Variants in RORB observed in about 807,000 individuals in gnomAD.
The protein encoded by RORB is RAR related orphan receptor B.
Under a neutral mutation model 59.1 loss-of-function variants are expected in RORB, and 6 were observed. That is an observed-to-expected ratio of 0.10 (90% CI 0.06 to 0.20). The LOEUF (loss-of-function observed/expected upper bound fraction) is 0.20, where lower values mean the gene tolerates loss of function less well. Among genes scored for constraint, RORB ranks in the 10% least tolerant of loss-of-function variants. RORB has a pLI of 1.00. For missense variants in RORB, 320 were observed against 560.5 expected (o/e 0.57, Z 4.33); for synonymous variants, 215 against 204.5 (o/e 1.05, Z -0.44).
chr9:74,647,948 T>C (rs933020831), intron 4 of RORB, among the ~76,000 whole-genome samples: 1 of 152,236 alleles, frequency 6.6e-6, no homozygotes, highest in Non-Finnish European at 1.5e-5. Context: ...TATTTTATAC[T>C]GTTTAAATCT....
At chr9:74,599,813 A>C (rs1174471096) in intron 1 of RORB, among the ~76,000 whole-genome samples, 5 of 152,246 alleles carry the variant, frequency 3.3e-5, no homozygotes, top group Admixed American at 6.5e-5. Context: ...TGGGGTGCTA[A>C]TGGCTGCCCC....
At chr9:74,587,722 T>C (rs1822822782) in intron 1 of RORB, among the ~76,000 whole-genome samples, 1 of 152,206 alleles carries the variant, frequency 6.6e-6, no homozygotes, top group Non-Finnish European at 1.5e-5. Context: ...CTTTTTCACA[T>C]GTGATCTTAG....
intron 1 of RORB, among the ~76,000 whole-genome samples, chr9:74,555,006 A>G (rs1281510420): frequency 2.0e-5 from 3 of 152,248 alleles, no homozygotes; most frequent in Non-Finnish European, 4.4e-5. Flanking sequence ...GTGGGCGCAG[A>G]AGCAAAATCA....
intron 3 of RORB, among the ~76,000 whole-genome samples, chr9:74,635,641 C>G (rs1302330508): frequency 6.6e-6 from 1 of 152,086 alleles, no homozygotes; most frequent in Non-Finnish European, 1.5e-5. Flanking sequence ...AAAGCACACA[C>G]CTAAATGTTT....
At chr9:74,586,600 C>CAT (rs9314824) in intron 1 of RORB, among the ~76,000 whole-genome samples, 1 of 141,200 alleles carries the variant, frequency 7.1e-6, no homozygotes, top group African/African-American at 2.7e-5. Context: ...ATGTAATGTC[C>CAT]GTGTGTGTGT....
chr9:74,571,695 G>A (rs1461250292), intron 1 of RORB, among the ~76,000 whole-genome samples: 2 of 152,054 alleles, frequency 1.3e-5, no homozygotes, highest in Admixed American at 6.6e-5. Context: ...TTTTTTAAAT[G>A]AGAGTTCTGG....
intron 1 of RORB, among the ~76,000 whole-genome samples, chr9:74,597,775 A>G (rs1295273813): frequency 6.6e-6 from 1 of 152,142 alleles, no homozygotes; most frequent in Non-Finnish European, 1.5e-5. Context: ...CCTGACCAAC[A>G]TGGAGAAACC....
chr9:74,664,520 A>G (rs932214411), intron 6 of RORB, among the ~76,000 whole-genome samples: 1 of 152,216 alleles, frequency 6.6e-6, no homozygotes, highest in African/African-American at 2.4e-5. Context: ...ATAAAAAATG[A>G]ATGTAAGAGG....
Position 74,671,850 on chromosome 9 carries a change from A to C in RORB, c.1173A>C (p.Ala391=). ...AGCTTCAGGAAAAAATTTATTTTGC[A>C]CTTCAACATGTGATTCAGAAGAATC... ...VQKLQEKIYF[A]LQHVIQKNHL... Residue 391 remains alanine (A), a synonymous_variant, in exon 9 of 10, where the codon GCA becomes GCC. Transcript: ENST00000376896. The C allele has an allele frequency of 2.5e-6, 4 of 1,612,756 alleles. No individual in the cohort carries two copies. The South Asian group carries it at 4.4e-5, about 18-fold the overall frequency.
At chr9:74,498,127 T>C in intron 1 of RORB, 144 bp downstream of exon 1, 1 of 895,274 alleles carries the variant, frequency 1.1e-6, no homozygotes, top group Non-Finnish European at 1.7e-6. Context: ...CAGGTGGGGC[T>C]GCAAATGGCC....
intron 1 of RORB, among the ~76,000 whole-genome samples, chr9:74,603,261 C>A (rs1024175845): frequency 1.3e-5 from 2 of 152,152 alleles, no homozygotes; most frequent in African/African-American, 4.8e-5. Context: ...GCTTTTGCAG[C>A]TCTCTTTGGT....
Position 74,665,973 on chromosome 9 carries a change from CT to C in RORB, c.1000+379del, listed in dbSNP as rs749924514. ...CATGGGCAACATGGCCAAACCCCAT[CT>C]CTACAAAAAGTACAAAAATTAGCTG... On this transcript the variant is annotated intron_variant, in intron 7 of 9. Transcript: ENST00000376896. Among the ~76,000 whole-genome samples, 438 of 152,276 alleles carry C rather than the reference CT, an allele frequency of 2.9e-3. 3 individuals carry two copies. The highest frequency in any genetic ancestry group is 1.1e-3 in the Non-Finnish European group (77 of 68,020).
chr9:74,599,763 T>C (rs1823026214), intron 1 of RORB, among the ~76,000 whole-genome samples: 2 of 152,198 alleles, frequency 1.3e-5, no homozygotes, highest in South Asian at 2.1e-4. Context: ...TCTGACTCCA[T>C]GCCCTGGCTG....
intron 1 of RORB, among the ~76,000 whole-genome samples, chr9:74,553,289 T>C (rs2025321): frequency 0.12 from 18,830 of 152,242 alleles, 1,420 homozygotes; most frequent in Admixed American, 0.19. Context: ...ATTTACATTT[T>C]GGTTCTGTTT....
chr9:74,673,480 ATGTGT>A (rs754622365), intron 9 of RORB, among the ~76,000 whole-genome samples: 16 of 152,082 alleles, frequency 1.1e-4, no homozygotes, highest in Non-Finnish European at 1.9e-4. Context: ...TCCTGTGCAG[ATGTGT>A]TGTGAGGTTC....
intron 1 of RORB, among the ~76,000 whole-genome samples, chr9:74,598,458 C>G (rs894405476): frequency 1.3e-5 from 2 of 152,114 alleles, no homozygotes; most frequent in Admixed American, 1.3e-4. Context: ...CCCACACACG[C>G]TTTTCCAACT....
At chr9:74,628,561 A>C (rs1170348032) in intron 1 of RORB, among the ~76,000 whole-genome samples, 2 of 152,202 alleles carry the variant, frequency 1.3e-5, no homozygotes, top group Non-Finnish European at 2.9e-5. Flanking sequence ...TTTCTGTGAA[A>C]TATTTACTTT....
intron 1 of RORB, among the ~76,000 whole-genome samples, chr9:74,507,868 A>G (rs1039340529): frequency 2.0e-5 from 3 of 152,076 alleles, no homozygotes; most frequent in Admixed American, 6.6e-5. Flanking sequence ...ACAGTTGTTG[A>G]GTATGAGCAA....
At chr9:74,579,941 T>C (rs1822696557) in intron 1 of RORB, among the ~76,000 whole-genome samples, 1 of 152,202 alleles carries the variant, frequency 6.6e-6, no homozygotes, top group South Asian at 2.1e-4. Context: ...TCTGAAAATA[T>C]TAAGATATTT....
Sources: gnomAD v4.1 joint callset for allele counts (sites outside exome capture counted in the v4.1 genomes callset) on GRCh38, gnomAD v4.1.1 for gene constraint, MANE v1.5 for transcripts, NCBI Gene and HGNC (gene_info 2026-07-23, HGNC 2026-07-21) for gene names.